TRPV4: variants seen among roughly 807,000 people sequenced by gnomAD.
TRPV4 encodes the protein transient receptor potential cation channel subfamily V member 4, also known as OSM9-like transient receptor potential channel 4.
In TRPV4, 58 loss-of-function variants were observed where a neutral mutation model predicts 84.1. The ratio of observed to expected loss-of-function variants is 0.69; its 90% CI spans 0.56 to 0.86. The LOEUF is 0.86. Ranked by LOEUF, TRPV4 falls within the 40% of genes least tolerant of loss-of-function variation. TRPV4 has a pLI of 0.00. For missense variants in TRPV4, 879 were observed against 1,181.1 expected (o/e 0.74, Z 3.75); for synonymous variants, 489 against 500.9 (o/e 0.98, Z 0.32).
At chr12:109,802,135 T>TC (rs2136548719) in intron 4 of TRPV4, among the ~76,000 whole-genome samples, 1 of 150,990 alleles carries the variant, frequency 6.6e-6, no homozygotes, top group African/African-American at 2.4e-5. Flanking sequence ...GGAATCTTTT[T>TC]TTTTTTTTTT....
Position 109,814,996 on chromosome 12 carries a change from A to G in TRPV4, c.-31-169T>C. ...CCAGATGTGGTTGGCCGCCAGCCTCAGGCGGGAACTGCAACAGGAGCCTCT... is the reference window on the plus strand; with the variant it reads ...CCAGATGTGGTTGGCCGCCAGCCTCGGGCGGGAACTGCAACAGGAGCCTCT... On this transcript the variant is annotated intron_variant, in intron 1 of 15. Transcript: ENST00000261740. The surrounding 1 kb of genome is among the most constrained non-coding windows in gnomAD (Gnocchi z 5.4). The G allele has an allele frequency of 1.6e-6, 1 of 640,964 alleles. No individual in the cohort carries two copies. Among genetic ancestry groups the G allele is most frequent in the Non-Finnish European group, 2.7e-6 (1 of 373,948 alleles). 39.7% of individuals were successfully genotyped at this position (640,964 alleles called of 1,614,324 possible). A position where few individuals can be genotyped will look rare whatever the true frequency, so the allele number is the denominator to read the frequency against.
chr12:109,830,049 C>T (rs543843315), intron 1 of TRPV4, among the ~76,000 whole-genome samples: 2 of 152,294 alleles, frequency 1.3e-5, no homozygotes, highest in Admixed American at 1.3e-4. Context: ...CTCACGGGCT[C>T]GACCGATCCA....
Position 109,792,780 on chromosome 12 carries a change from G to A in TRPV4, c.1696C>T (p.Leu566Phe), listed in dbSNP as rs144583941. 1.2e-6 allele frequency: 2 copies of A among 1,614,068 alleles called. No homozygotes were observed. Among genetic ancestry groups the A allele is most frequent in the Admixed American group, 1.7e-5 (1 of 60,016 alleles). The change falls in exon 11 of 16, where the codon CTC becomes TTC. Residue 566 changes from leucine to phenylalanine, a missense_variant. Leu to Phe is a conservative substitution (Grantham distance 22, BLOSUM62 0). Around this residue, in one of 4 missense-constraint regions of TRPV4, gnomAD observed 521 missense variants for 686.6 expected, o/e 0.76. Transcript: ENST00000261740. Reference protein sequence around the residue: ...YSVLVIVSAALYLAGIEAYLA... With the variant: ...YSVLVIVSAAFYLAGIEAYLA... ...TAGGCCTCGATCCCTGCCAGGTAGA[G>A]GGCTGCTGAGACGATCACCAGGACA...
chr12:109,792,833 G>C lies in TRPV4; in HGVS notation c.1659-16C>G. ...GTAGATGAAGCTGCAGTGCAGCAGA[G>C]ACCACAAGAGAGGCCAGAGGGGAGA... On this transcript the variant is annotated splice_polypyrimidine_tract_variant and intron_variant, in intron 10 of 15. Coordinates refer to ENST00000261740, the MANE Select transcript of TRPV4 (RefSeq NM_021625.5). The C allele has an allele frequency of 6.2e-7, 1 of 1,613,082 alleles. No homozygotes were observed. The highest frequency in any genetic ancestry group is 1.1e-5 in the South Asian group (1 of 91,042).
chr12:109,820,454 T>C (rs1251348867), intron 1 of TRPV4, among the ~76,000 whole-genome samples: 2 of 151,288 alleles, frequency 1.3e-5, no homozygotes, highest in Non-Finnish European at 2.9e-5. Context: ...CACAGCTCAC[T>C]TGCTGGGTGA....
intron 1 of TRPV4, among the ~76,000 whole-genome samples, chr12:109,824,301 G>A (rs1892191851): frequency 6.6e-6 from 1 of 152,080 alleles, no homozygotes; most frequent in Non-Finnish European, 1.5e-5. Context: ...GCACGTAGTA[G>A]GAGCTCAAGG....
At chr12:109,832,964 C>G (rs1892456066) in intron 1 of TRPV4, among the ~76,000 whole-genome samples, 1 of 152,144 alleles carries the variant, frequency 6.6e-6, no homozygotes, top group Admixed American at 6.5e-5. Context: ...CTCCGACATG[C>G]TCAGGGGCCA....
At chr12:109,799,038 G>T in intron 5 of TRPV4, 126 bp from the exon 6 acceptor site, 4 of 895,066 alleles carry the variant, frequency 4.5e-6, no homozygotes, top group Non-Finnish European at 5.1e-6. Context: ...ACCAGCAGTG[G>T]ATATGAACTG....
At chr12:109,823,058 A>G (rs1374167997) in intron 1 of TRPV4, among the ~76,000 whole-genome samples, 1 of 152,206 alleles carries the variant, frequency 6.6e-6, no homozygotes, top group South Asian at 2.1e-4. Flanking sequence ...GCTGCTGGGA[A>G]CAGCCGGCTG....
intron 2 of TRPV4, 143 bp from the exon 3 acceptor site, chr12:109,808,611 T>C (rs1282247098): frequency 5.5e-6 from 4 of 723,894 alleles, no homozygotes; most frequent in Admixed American, 2.9e-5. Context: ...TTGGGGCAGA[T>C]GTAAAAACTA....
rs973315587 is a variant in TRPV4, at chr12:109,800,714, A to G, written c.757T>C (p.Tyr253His). The change falls in exon 5 of 16, where the codon TAC becomes CAC. Residue 253 changes from tyrosine (Y) to histidine (H), a missense_variant. Physicochemically the swap from Tyr to His is moderately conservative, Grantham distance 83. Around this residue, in one of 4 missense-constraint regions of TRPV4, gnomAD observed 521 missense variants for 686.6 expected, o/e 0.76. Transcript: ENST00000261740. Reference sequence around the variant, plus strand: ...CCCTGGGCCACGAGAAGTTCCACGTAGTGTTTGCAGCGACGCTCAATGGCG... The same window carrying G: ...CCCTGGGCCACGAGAAGTTCCACGTGGTGTTTGCAGCGACGCTCAATGGCG... ...HIAIERRCKH[Y>H]VELLVAQGAD... 1.9e-6 allele frequency: 3 copies of G among 1,613,958 alleles called. No homozygotes were observed. Among genetic ancestry groups the G allele is most frequent in the Non-Finnish European group, 2.5e-6 (3 of 1,180,002 alleles).
chr12:109,828,871 C>A (rs1892338174), intron 1 of TRPV4, among the ~76,000 whole-genome samples: 1 of 152,134 alleles, frequency 6.6e-6, no homozygotes, highest in Non-Finnish European at 1.5e-5. Context: ...CCCCTGCCCA[C>A]CCCCGGCAGT....
chr12:109,788,831 G>A (rs1889863253), intron 12 of TRPV4, 115 bp from the exon 13 acceptor site: 1 of 1,210,424 alleles, frequency 8.3e-7, no homozygotes, highest in African/African-American at 1.5e-5. Context: ...GGAGCACGCT[G>A]GCCCACACGC....
At position 109,824,445 on chromosome 12, in the gene TRPV4, G is replaced by A. The variant is rs1206916342; in HGVS notation, c.-32+8905C>T. Among the ~76,000 whole-genome samples the A allele has an allele frequency of 5.9e-5, 9 of 152,178 alleles. No homozygotes were observed. The East Asian group carries it at 1.7e-3, about 30-fold the overall frequency. On this transcript the variant is annotated intron_variant, in intron 1 of 15. Transcript: ENST00000261740. ...GAACATGCTACTCAGCTCCAGCCCA[G>A]GAGGAGGGAGGCATCAAATTCTTAG...
At chr12:109,803,348 C>T (rs1380482141) in intron 3 of TRPV4, among the ~76,000 whole-genome samples, 3 of 152,192 alleles carry the variant, frequency 2.0e-5, no homozygotes, top group Non-Finnish European at 4.4e-5. Flanking sequence ...GTACAATAAA[C>T]GCATGGGGTT....
At chr12:109,821,668 T>C (rs1311555345) in intron 1 of TRPV4, among the ~76,000 whole-genome samples, 1 of 152,102 alleles carries the variant, frequency 6.6e-6, no homozygotes, top group African/African-American at 2.4e-5. Flanking sequence ...GTAGCTGGGA[T>C]TACAGGCATG....
At chr12:109,831,682 T>C (rs552988071) in intron 1 of TRPV4, among the ~76,000 whole-genome samples, 2 of 152,306 alleles carry the variant, frequency 1.3e-5, no homozygotes, top group South Asian at 4.1e-4. Flanking sequence ...GTATCTGGGT[T>C]TCACCTGGGG....
intron 1 of TRPV4, among the ~76,000 whole-genome samples, chr12:109,818,016 C>G (rs1891936070): frequency 1.3e-5 from 2 of 152,150 alleles, no homozygotes; most frequent in Non-Finnish European, 2.9e-5. Context: ...TCCCATTCTA[C>G]AGATGAGGAA....
chr12:109,796,817 G>T lies in TRPV4; in HGVS notation c.1153-113C>A. 9.3e-7 allele frequency: 1 copy of T among 1,079,416 alleles called. No homozygotes were observed. The highest frequency in any genetic ancestry group is 1.3e-6 in the Non-Finnish European group (1 of 767,198). The allele number at this position is 1,079,416 out of a possible 1,614,324, so 66.9% of individuals were successfully genotyped here. On this transcript the variant is annotated intron_variant, in intron 6 of 15. Coordinates refer to ENST00000261740, the MANE Select transcript of TRPV4 (RefSeq NM_021625.5). The surrounding 1 kb of genome is among the most constrained non-coding windows in gnomAD (Gnocchi z 4.2). ...AAACAGCTAAGCACCGGCTGCTGGA[G>T]GACCCTTTCCTCATCTTGTTTAATT... is the stretch of plus-strand genomic sequence containing the variant.
Sources: gnomAD v4.1 joint callset for allele counts (sites outside exome capture counted in the v4.1 genomes callset) on GRCh38, gnomAD v4.1.1 for gene constraint, gnomAD v4.1.1 regional missense constraint, Gnocchi (gnomAD v3.1) non-coding constraint, MANE v1.5 for transcripts, NCBI Gene and HGNC (gene_info 2026-07-23, HGNC 2026-07-21) for gene names.